Variants in KCNIP1 observed in about 807,000 individuals in gnomAD.
KCNIP1 encodes potassium voltage-gated channel interacting protein 1.
KCNIP1 carries 18 observed loss-of-function variants against 33.0 expected under a neutral mutation model. The observed-to-expected ratio is 0.55, with a 90% confidence interval of 0.38 to 0.81. KCNIP1 has a LOEUF of 0.81. KCNIP1 is among the 30% of genes least tolerant of loss of function. The probability of loss-of-function intolerance (pLI) is 0.00; values close to 1 mark genes in which losing one functional copy is unlikely to be tolerated. For missense variants in KCNIP1, 238 were observed against 271.6 expected, an observed-to-expected ratio of 0.88 and a Z score of 0.87; for synonymous variants, 93 against 98.3, an observed-to-expected ratio of 0.95 and a Z score of 0.32.
At chr5:170,594,951 G>A (rs1758393393) in intron 1 of KCNIP1, among the ~76,000 whole-genome samples, 1 of 152,234 alleles carries the variant, frequency 6.6e-6, no homozygotes, top group Non-Finnish European at 1.5e-5. Context: ...GAGTGTAACA[G>A]TTTGGCCATG....
intron 1 of KCNIP1, among the ~76,000 whole-genome samples, chr5:170,626,124 G>GA (rs1759810949): frequency 1.3e-5 from 2 of 152,218 alleles, no homozygotes; most frequent in Non-Finnish European, 2.9e-5. Flanking sequence ...TGAAGCAGAG[G>GA]AGGGATATGA....
At chr5:170,685,639 C>G (rs1191212142) in intron 1 of KCNIP1, among the ~76,000 whole-genome samples, 2 of 151,860 alleles carry the variant, frequency 1.3e-5, no homozygotes, top group Non-Finnish European at 2.9e-5. Flanking sequence ...CAGGCATGTG[C>G]CACCGTGCCT....
At chr5:170,420,234 G>C (rs1207025220) in intron 1 of KCNIP1, among the ~76,000 whole-genome samples, 1 of 152,064 alleles carries the variant, frequency 6.6e-6, no homozygotes, top group Non-Finnish European at 1.5e-5. Context: ...AGACAGCAGG[G>C]CCAGCCCCTC....
chr5:170,669,447 G>A, intron 1 of KCNIP1: 1 of 852,710 alleles, frequency 1.2e-6, no homozygotes, highest in Non-Finnish European at 1.4e-6. Flanking sequence ...TACATAGAAT[G>A]TATTTAAAGT....
At chr5:170,510,959 C>T (rs560175634) in intron 1 of KCNIP1, among the ~76,000 whole-genome samples, 6 of 152,222 alleles carry the variant, frequency 3.9e-5, no homozygotes, top group Admixed American at 2.6e-4. Flanking sequence ...ATCTGTAATC[C>T]CAGCAGTTTG....
chr5:170,704,818 A>G (rs181583058), intron 1 of KCNIP1, among the ~76,000 whole-genome samples: 1 of 152,332 alleles, frequency 6.6e-6, no homozygotes, highest in East Asian at 1.9e-4. Flanking sequence ...CTCCCCCACC[A>G]TCAAGGCTGT....
Position 170,492,010 on chromosome 5 carries a change from C to T in KCNIP1, c.88+138046C>T, listed in dbSNP as rs74359909. On this transcript the variant is annotated intron_variant, in intron 1 of 7. Coordinates refer to the KCNIP1 transcript ENST00000377360. The stretch of plus-strand genomic sequence containing the variant: ...TTGAGTAGTTCTCTTTTCTTGCTCA[C>T]GCCGACTTTTCTCCAGTTCTCGGAC... Among the ~76,000 whole-genome samples the T allele has an allele frequency of 8.7e-4, 133 of 152,332 alleles. 1 individual carries two copies. Among genetic ancestry groups the T allele is most frequent in the African/African-American group, 3.0e-3 (124 of 41,580 alleles).
chr5:170,648,150 A>G (rs1760868787), intron 1 of KCNIP1, among the ~76,000 whole-genome samples: 1 of 152,222 alleles, frequency 6.6e-6, no homozygotes, highest in Admixed American at 6.5e-5. Flanking sequence ...GAATGTGGAG[A>G]AACAGGAACT....
At chr5:170,709,934 C>T (rs1429397236) in intron 1 of KCNIP1, among the ~76,000 whole-genome samples, 1 of 152,074 alleles carries the variant, frequency 6.6e-6, no homozygotes. Context: ...GTAGCACAAT[C>T]TCGGCTCACT....
chr5:170,379,989 A>G (rs969833282), intron 1 of KCNIP1, among the ~76,000 whole-genome samples: 1 of 152,192 alleles, frequency 6.6e-6, no homozygotes, highest in Non-Finnish European at 1.5e-5. Flanking sequence ...CTAAATTTAA[A>G]ATTGAAAACC....
At chr5:170,669,415 G>A (rs17565168) in intron 1 of KCNIP1, 14,661 of 551,036 alleles carry the variant, frequency 0.027, 235 homozygotes, top group Middle Eastern at 0.036. Flanking sequence ...AATATTCCTA[G>A]GTCCTTGGTG....
chr5:170,720,475 A>G, intron 3 of KCNIP1, 85 bp downstream of exon 3: 3 of 1,074,986 alleles, frequency 2.8e-6, no homozygotes, highest in Non-Finnish European at 4.3e-6. Context: ...CTTCCTTGCC[A>G]TTTGCTTCCT....
chr5:170,357,132 TAA>T (rs60983905), intron 1 of KCNIP1, among the ~76,000 whole-genome samples: 15 of 146,834 alleles, frequency 1.0e-4, no homozygotes, highest in African/African-American at 2.7e-4. Flanking sequence ...TCTTTGGCAT[TAA>T]AAAAAAAAAA....
intron 1 of KCNIP1, chr5:170,561,092 T>C: frequency 2.2e-6 from 1 of 456,070 alleles, no homozygotes; most frequent in South Asian, 1.5e-5. Flanking sequence ...TGTTTCCACT[T>C]ACCAAAGGGC....
intron 1 of KCNIP1, among the ~76,000 whole-genome samples, chr5:170,636,526 T>C (rs966991815): frequency 6.6e-6 from 1 of 152,140 alleles, no homozygotes; most frequent in Non-Finnish European, 1.5e-5. Context: ...ATTGAGCACC[T>C]ACTGCATGCA....
chr5:170,517,830 T>TGGTGAC (rs1755200221), intron 1 of KCNIP1, among the ~76,000 whole-genome samples: 2 of 139,806 alleles, frequency 1.4e-5, no homozygotes, highest in African/African-American at 2.6e-5. Context: ...ATGGAGGTGG[T>TGGTGAC]GATGGTGATA....
intron 1 of KCNIP1, among the ~76,000 whole-genome samples, chr5:170,551,212 T>C (rs1756619404): frequency 6.6e-6 from 1 of 152,344 alleles, no homozygotes; most frequent in East Asian, 1.9e-4. Context: ...CTCTGGGGCT[T>C]TGGCTGATCT....
At chr5:170,530,844 A>G (rs1424660000) in intron 1 of KCNIP1, among the ~76,000 whole-genome samples, 2 of 152,082 alleles carry the variant, frequency 1.3e-5, no homozygotes, top group African/African-American at 4.8e-5. Context: ...AGGTGGGGAA[A>G]TTCTGGTGTC....
intron 1 of KCNIP1, among the ~76,000 whole-genome samples, chr5:170,446,799 T>G (rs1756127160): frequency 1.3e-5 from 2 of 152,160 alleles, no homozygotes; most frequent in African/African-American, 2.4e-5. Flanking sequence ...ACCTGCCACA[T>G]GTCCAAATCT....
Sources: allele counts gnomAD v4.1 joint callset (sites outside exome capture counted in the v4.1 genomes callset), GRCh38; gene constraint gnomAD v4.1.1; transcripts MANE v1.5; gene names NCBI Gene and HGNC (gene_info 2026-07-23, HGNC 2026-07-21).